The following TUSC3 variants were observed in gnomAD, a reference collection of about 807,000 sequenced individuals.
TUSC3 encodes dolichyl-diphosphooligosaccharide--protein glycosyltransferase subunit TUSC3.
In TUSC3, 45 loss-of-function variants were observed where a neutral mutation model predicts 44.8. The observed-to-expected ratio is 1.00, with a 90% CI of 0.79 to 1.29. The LOEUF (loss-of-function observed/expected upper bound fraction) is 1.29. Among genes scored for constraint, TUSC3 ranks in the 50% most tolerant of loss-of-function variants. TUSC3 has a pLI of 0.00. For synonymous variants in TUSC3, 212 were observed against 152.9 expected, an observed-to-expected ratio of 1.39 and a Z score of -2.85; for missense variants, 519 against 437.9, an observed-to-expected ratio of 1.19 and a Z score of -1.65.
chr8:15,851,750 G>C, the TUSC3 span, among the ~76,000 whole-genome samples: 1 of 152,126 alleles, frequency 6.6e-6, no homozygotes, highest in East Asian at 1.9e-4. Flanking sequence ...TCCAGTATAA[G>C]CTTTCTGGTT....
chr8:15,737,513 A>G (rs989447940), intron 7 of TUSC3, among the ~76,000 whole-genome samples: 10 of 152,222 alleles, frequency 6.6e-5, no homozygotes, highest in African/African-American at 2.2e-4. Context: ...AGGATCAGCA[A>G]AGAAACTGGA....
At chr8:15,802,614 A>G in the TUSC3 span, among the ~76,000 whole-genome samples, 1 of 151,876 alleles carries the variant, frequency 6.6e-6, no homozygotes, top group Non-Finnish European at 1.5e-5. Flanking sequence ...TTTTTCCTCA[A>G]GAGGGGCATG....
chr8:15,627,194 C>CT (rs1171923342), intron 2 of TUSC3, among the ~76,000 whole-genome samples: 9 of 152,152 alleles, frequency 5.9e-5, no homozygotes, highest in Non-Finnish European at 1.2e-4. Flanking sequence ...CTGCTGAGAG[C>CT]TGAGGAGACA....
At chr8:15,707,539 T>C (rs577392539) in intron 6 of TUSC3, among the ~76,000 whole-genome samples, 1 of 151,500 alleles carries the variant, frequency 6.6e-6, no homozygotes, top group African/African-American at 2.4e-5. Flanking sequence ...CCCAGGCCTG[T>C]AGGGGAAATG....
At chr8:15,826,862 G>A in the TUSC3 span, among the ~76,000 whole-genome samples, 1 of 152,124 alleles carries the variant, frequency 6.6e-6, no homozygotes, top group South Asian at 2.1e-4. Flanking sequence ...TTTGTTGTGA[G>A]GAGTATATCC....
At chr8:15,733,847 G>C (rs1029605329) in intron 7 of TUSC3, among the ~76,000 whole-genome samples, 3 of 152,100 alleles carry the variant, frequency 2.0e-5, no homozygotes, top group African/African-American at 7.2e-5. Context: ...TTTGAGACCA[G>C]CCTGGGCAAC....
intron 2 of TUSC3, among the ~76,000 whole-genome samples, chr8:15,629,736 T>A (rs1465370506): frequency 2.1e-5 from 3 of 144,506 alleles, no homozygotes; most frequent in Admixed American, 6.9e-5. Flanking sequence ...TTCTTTTCTT[T>A]AAAAAAAAAA....
intron 9 of TUSC3, among the ~76,000 whole-genome samples, chr8:15,757,067 T>A (rs1811956372): frequency 6.6e-6 from 1 of 152,096 alleles, no homozygotes; most frequent in Admixed American, 6.5e-5. Context: ...GCCCAGGAGT[T>A]TGAGGCTGCA....
chr8:15,461,755 GA>G (rs148240096), intron 1 of TUSC3, among the ~76,000 whole-genome samples: 7,408 of 145,408 alleles, frequency 0.051, 247 homozygotes, highest in South Asian at 0.11. Context: ...GAAAAAAAAA[GA>G]AAAAAAAGAA....
intron 1 of TUSC3, among the ~76,000 whole-genome samples, chr8:15,593,382 G>T (rs757850728): frequency 2.6e-4 from 39 of 152,132 alleles, no homozygotes; most frequent in Non-Finnish European, 4.6e-4. Flanking sequence ...CACCACACCC[G>T]GTCAGTATAT....
chr8:15,607,125 C>A (rs183564779), intron 1 of TUSC3, among the ~76,000 whole-genome samples: 1 of 152,200 alleles, frequency 6.6e-6, no homozygotes, highest in East Asian at 1.9e-4. Context: ...AAGGGCATTT[C>A]TCCTGCCACA....
intron 1 of TUSC3, among the ~76,000 whole-genome samples, chr8:15,482,100 A>G (rs1800670487): frequency 6.6e-6 from 1 of 152,214 alleles, no homozygotes; most frequent in African/African-American, 2.4e-5. Flanking sequence ...ATTCCATCTT[A>G]AGAAATCACT....
At chr8:15,631,273 T>C (rs185331557) in intron 2 of TUSC3, among the ~76,000 whole-genome samples, 6 of 152,330 alleles carry the variant, frequency 3.9e-5, no homozygotes, top group African/African-American at 9.6e-5. Context: ...GACGTAACTT[T>C]AGTGTGTTAA....
At chr8:15,581,861 C>CTGCTGCTTT (rs1204024995) in intron 1 of TUSC3, among the ~76,000 whole-genome samples, 2 of 92,308 alleles carry the variant, frequency 2.2e-5, no homozygotes, top group African/African-American at 1.2e-4. Context: ...TGGAGCTTCC[C>CTGCTGCTTT]GTTTACCTAA....
chr8:15,523,279 C>T (rs1183812697), intron 2 of TUSC3, among the ~76,000 whole-genome samples: 3 of 152,086 alleles, frequency 2.0e-5, no homozygotes, highest in South Asian at 2.1e-4. Flanking sequence ...AAAAATATGG[C>T]TGAAGAAAGG....
chr8:15,803,711 T>C, the TUSC3 span, among the ~76,000 whole-genome samples: 1 of 152,040 alleles, frequency 6.6e-6, no homozygotes, highest in East Asian at 1.9e-4. Context: ...CTCCTCCTCT[T>C]TTGCCTCACC....
rs1800729489 is a variant in TUSC3, at chr8:15,486,114, A to T, written n.189+2631A>T. Among the ~76,000 whole-genome samples, 3 of 152,262 alleles carry T rather than the reference A, an allele frequency of 2.0e-5. No individual in the cohort carries two copies. The South Asian group carries it at 6.2e-4, about 32-fold the overall frequency. ...AGCTTACTCTGTTGTCTTTAAGTGAATTGAATAACAGATGCACAGTGACCA... is the reference window on the plus strand; with the variant it reads ...AGCTTACTCTGTTGTCTTTAAGTGATTTGAATAACAGATGCACAGTGACCA... On this transcript the variant is annotated intron_variant and non_coding_transcript_variant, in intron 2 of 5. Coordinates refer to the TUSC3 transcript ENST00000503191.
At chr8:15,535,761 G>A (rs758026745), upstream of TUSC3, among the ~76,000 whole-genome samples, 1 of 152,186 alleles carries the variant, frequency 6.6e-6, no homozygotes, top group Admixed American at 6.5e-5. Context: ...AAAAGTTAAG[G>A]AGTGTGTGTG....
chr8:15,429,136 T>C (rs961313193), intron 1 of TUSC3, among the ~76,000 whole-genome samples: 1 of 152,170 alleles, frequency 6.6e-6, no homozygotes, highest in Non-Finnish European at 1.5e-5. Context: ...CATGTTGAAT[T>C]AATTTTTGTA....
Sources: gnomAD v4.1 joint callset for allele counts (sites outside exome capture counted in the v4.1 genomes callset) on GRCh38, gnomAD v4.1.1 for gene constraint, MANE v1.5 for transcripts, NCBI Gene and HGNC (gene_info 2026-07-23, HGNC 2026-07-21) for gene names.